The following CEP83 variants were observed in gnomAD, a reference collection of about 807,000 sequenced individuals.
The protein encoded by CEP83 is centrosomal protein 83.
Under a neutral mutation model 101.9 loss-of-function variants are expected in CEP83, and 70 were observed. That is an observed-to-expected ratio of 0.69 (90% CI 0.57 to 0.84). The LOEUF is 0.84. Among genes scored for constraint, CEP83 ranks in the 40% least tolerant of loss-of-function variants. The pLI, the probability that CEP83 is intolerant of heterozygous loss-of-function variation, is 0.00. For synonymous variants in CEP83, 264 were observed against 267.9 expected (o/e 0.99, Z 0.14); for missense variants, 715 against 787.2 (o/e 0.91, Z 1.10).
chr12:94,285,204 G>C, the CEP83 span, among the ~76,000 whole-genome samples: 4 of 152,138 alleles, frequency 2.6e-5, no homozygotes, highest in African/African-American at 9.7e-5. Context: ...CGGGAGGGTA[G>C]GGACCCCCTG....
chr12:94,319,343 C>T (rs540079529), intron 14 of CEP83, among the ~76,000 whole-genome samples: 63 of 152,018 alleles, frequency 4.1e-4, no homozygotes, highest in African/African-American at 1.3e-3. Context: ...TTTTCAAAAA[C>T]GCAACTCCCG....
chr12:94,376,690 T>TATACACACACACACACACAC lies in CEP83; in HGVS notation c.802-674_802-673insGTGTGTGTGTGTGTGTGTAT, dbSNP rs1555235995. On this transcript the variant is annotated intron_variant, in intron 7 of 16. Transcript: ENST00000397809. ...ATTCAACATAATATATATACATATA[T>TATACACACACACACACACAC]ACACACACACACACACACACACACA... Among the ~76,000 whole-genome samples, 14 of 117,386 alleles carry TATACACACACACACACACAC rather than the reference T, an allele frequency of 1.2e-4. No homozygotes were observed. The East Asian group carries it at 1.9e-3, about 16-fold the overall frequency. The allele number at this position is 117,386 out of a possible 152,430, so 77.0% of individuals were successfully genotyped here.
chr12:94,335,533 A>G (rs2059411980), intron 12 of CEP83, 56 bp downstream of exon 12: 1 of 1,207,400 alleles, frequency 8.3e-7, no homozygotes, highest in East Asian at 2.5e-5. Context: ...TTTGCAAAAC[A>G]TAAATTTAAA....
chr12:94,314,263 A>C (rs1403544944), intron 14 of CEP83, among the ~76,000 whole-genome samples: 1 of 152,232 alleles, frequency 6.6e-6, no homozygotes, highest in African/African-American at 2.4e-5. Context: ...CATAGAATAG[A>C]AACGTAAAGC....
At chr12:94,386,168 T>C (rs185288014) in intron 6 of CEP83, among the ~76,000 whole-genome samples, 180 of 152,330 alleles carry the variant, frequency 1.2e-3, no homozygotes, top group Non-Finnish European at 2.2e-3. Flanking sequence ...CTTTTATTCT[T>C]GTTAACCAGA....
At chr12:94,367,250 G>GA (rs1317032709) in intron 11 of CEP83, among the ~76,000 whole-genome samples, 3 of 151,986 alleles carry the variant, frequency 2.0e-5, no homozygotes, top group Non-Finnish European at 2.9e-5. Flanking sequence ...ATTACAAAGG[G>GA]AAAAAATAGT....
At chr12:94,344,979 A>G (rs979833838) in intron 11 of CEP83, among the ~76,000 whole-genome samples, 1 of 152,204 alleles carries the variant, frequency 6.6e-6, no homozygotes, top group African/African-American at 2.4e-5. Flanking sequence ...GATCAGTAAA[A>G]TAGAATAGAG....
At chr12:94,434,671 AT>A (rs1363144631) in intron 2 of CEP83, among the ~76,000 whole-genome samples, 1 of 152,178 alleles carries the variant, frequency 6.6e-6, no homozygotes, top group Non-Finnish European at 1.5e-5. Context: ...CAGATTTTGA[AT>A]TTTTTCAGAT....
the CEP83 span, among the ~76,000 whole-genome samples, chr12:94,274,227 A>G: frequency 6.7e-6 from 1 of 148,304 alleles, no homozygotes; most frequent in Non-Finnish European, 1.5e-5. Context: ...AGTCTCTGCT[A>G]TGTGGGAGGC....
Position 94,411,746 on chromosome 12 carries a change from C to A in CEP83, c.275G>T (p.Arg92Ile). 6.2e-7 allele frequency: 1 copy of A among 1,611,022 alleles called. No individual in the cohort carries two copies. Among genetic ancestry groups the A allele is most frequent in the Non-Finnish European group, 8.5e-7 (1 of 1,177,938 alleles). The change falls in exon 4 of 17, where the codon AGA becomes ATA. Residue 92 changes from arginine (R) to isoleucine (I), a missense_variant. Physicochemically the swap from Arg to Ile is moderately conservative, Grantham distance 97. Transcript: ENST00000397809. Reference sequence around the variant, plus strand: ...TTTAGTTTTCTCTACTAATTCTCCTCTTAGTTCTTCAAGCAGGAGCTGAAG... The same window carrying A: ...TTTAGTTTTCTCTACTAATTCTCCTATTAGTTCTTCAAGCAGGAGCTGAAG... ...EKLQLLLEEL[R>I]GELVEKTKDL... is the part of the protein sequence containing the mutation.
At chr12:94,409,887 A>T (rs895338880) in intron 4 of CEP83, among the ~76,000 whole-genome samples, 3 of 152,120 alleles carry the variant, frequency 2.0e-5, no homozygotes, top group Admixed American at 6.6e-5. Context: ...ATTGAGTTAA[A>T]GGCTCATCAT....
chr12:94,409,103 A>G (rs2063725327), intron 4 of CEP83, among the ~76,000 whole-genome samples: 1 of 151,936 alleles, frequency 6.6e-6, no homozygotes, highest in African/African-American at 2.4e-5. Flanking sequence ...ATCTTTCATA[A>G]ACCTTCATTG....
intron 7 of CEP83, among the ~76,000 whole-genome samples, chr12:94,376,743 ATATATTT>A (rs1305156812): frequency 2.8e-5 from 3 of 108,472 alleles, no homozygotes; most frequent in African/African-American, 1.0e-4. Context: ...ATATATATAT[ATATATTT>A]TTTTTTTGAG....
chr12:94,271,934 T>A, the CEP83 span, among the ~76,000 whole-genome samples: 1 of 152,146 alleles, frequency 6.6e-6, no homozygotes, highest in African/African-American at 2.4e-5. Flanking sequence ...ATGTTCTTGT[T>A]AAAAATGTTA....
chr12:94,384,509 T>C (rs1282183488), intron 6 of CEP83, among the ~76,000 whole-genome samples: 5 of 152,204 alleles, frequency 3.3e-5, no homozygotes, highest in Admixed American at 6.5e-5. Flanking sequence ...CTGCCCTCTT[T>C]TCTCCTTTCA....
intron 2 of CEP83, among the ~76,000 whole-genome samples, chr12:94,417,576 G>A (rs955009358): frequency 1.3e-5 from 2 of 151,754 alleles, no homozygotes; most frequent in African/African-American, 4.8e-5. Context: ...ATCACCTGAG[G>A]TCAGGAGTTC....
At chr12:94,397,882 A>G (rs2062996933) in intron 6 of CEP83, among the ~76,000 whole-genome samples, 1 of 152,234 alleles carries the variant, frequency 6.6e-6, no homozygotes, top group African/African-American at 2.4e-5. Context: ...CATGTAGTGT[A>G]TATATTACCA....
intron 6 of CEP83, among the ~76,000 whole-genome samples, chr12:94,383,952 G>A (rs1196805716): frequency 6.6e-6 from 1 of 152,034 alleles, no homozygotes; most frequent in East Asian, 1.9e-4. Context: ...AACCACATCA[G>A]AGTTAAAATT....
chr12:94,302,962 C>T (rs560137111), downstream of CEP83, among the ~76,000 whole-genome samples: 26 of 152,302 alleles, frequency 1.7e-4, no homozygotes, highest in Non-Finnish European at 2.6e-4. Flanking sequence ...AATAATATCT[C>T]AGTCTCTAGG....
Sources: gnomAD v4.1 joint callset for allele counts (sites outside exome capture counted in the v4.1 genomes callset) on GRCh38, gnomAD v4.1.1 for gene constraint, MANE v1.5 for transcripts, NCBI Gene and HGNC (gene_info 2026-07-23, HGNC 2026-07-21) for gene names.